Variants in IRAK4 observed in about 807,000 individuals in gnomAD.
The protein encoded by IRAK4 is interleukin-1 receptor-associated kinase 4.
In IRAK4, 44 loss-of-function variants were observed where a neutral mutation model predicts 51.8. The ratio of observed to expected loss-of-function variants is 0.85; its 90% CI spans 0.67 to 1.09. The LOEUF is 1.09. Among genes scored for constraint, IRAK4 ranks in the 50% least tolerant of loss-of-function variants. The pLI is 0.00. For missense variants in IRAK4, 487 were observed against 538.0 expected (o/e 0.91, Z 0.94); for synonymous variants, 149 against 174.1 (o/e 0.86, Z 1.13).
chr12:43,770,006 C>G (rs995972723), intron 2 of IRAK4, among the ~76,000 whole-genome samples: 3 of 152,072 alleles, frequency 2.0e-5, no homozygotes, highest in African/African-American at 7.2e-5. Flanking sequence ...AGATATGGCA[C>G]AATTTTATCA....
In IRAK4 at chr12:43,772,391, A is replaced by G. The variant is rs765342298; in HGVS notation, c.490+29A>G. ...AGTAACATTTTCAGTGCTTTCCACTAGGGATTTGTCATTAAGACTACCAGT... is the reference window on the plus strand; with the variant it reads ...AGTAACATTTTCAGTGCTTTCCACTGGGGATTTGTCATTAAGACTACCAGT... On this transcript the variant is annotated intron_variant, in intron 4 of 11. Coordinates refer to ENST00000613694, the MANE Select transcript of IRAK4 (RefSeq NM_016123.4). 8 of 1,588,108 alleles carry G rather than the reference A, an allele frequency of 5.0e-6. No individual in the cohort carries two copies. In the Admixed American group the frequency reaches 1.0e-4, roughly 20 times the overall value.
intron 8 of IRAK4, 112 bp from the exon 9 acceptor site, chr12:43,782,195 T>G: frequency 1.4e-6 from 1 of 719,324 alleles, no homozygotes; most frequent in Non-Finnish European, 2.5e-6. Context: ...TACATATGCA[T>G]GTATGCATAT....
chr12:43,777,831 A>G, intron 7 of IRAK4, 87 bp downstream of exon 7: 1 of 1,113,178 alleles, frequency 9.0e-7, no homozygotes, highest in Non-Finnish European at 1.4e-6. Context: ...TATTTAAACC[A>G]AATTCACTTT....
intron 1 of IRAK4, among the ~76,000 whole-genome samples, chr12:43,762,583 C>T (rs1939679435): frequency 1.3e-5 from 2 of 152,126 alleles, no homozygotes; most frequent in Admixed American, 6.6e-5. Context: ...TGTTGTGAGT[C>T]GTTGCTGAGG....
chr12:43,776,881 A>G (rs544871045), intron 6 of IRAK4, among the ~76,000 whole-genome samples: 1 of 152,356 alleles, frequency 6.6e-6, no homozygotes, highest in Non-Finnish European at 1.5e-5. Flanking sequence ...AAAAACATGT[A>G]AATTAGATGT....
intron 8 of IRAK4, among the ~76,000 whole-genome samples, chr12:43,779,217 C>T (rs1440361817): frequency 2.0e-5 from 3 of 151,906 alleles, no homozygotes; most frequent in Non-Finnish European, 2.9e-5. Context: ...GAGCTATGAT[C>T]GTGCCAGTGC....
In IRAK4 at chr12:43,772,968, C is replaced by T. The variant is rs114951157; in HGVS notation, c.547C>T (p.Arg183Ter). 2.0e-5 allele frequency: 33 copies of T among 1,610,818 alleles called. No homozygotes were observed. The highest frequency in any genetic ancestry group is 5.3e-5 in the African/African-American group (4 of 74,904). ...LKNVTNNFDERPISVGGNKMG... is the reference protein window; with the variant it reads ...LKNVTNNFDE ...GAATGTCACAAATAACTTTGATGAA[C>T]GACCCATTTCTGTTGGTGGTAATAA... Residue 183 changes from arginine (R) to a stop codon, truncating the protein, a stop_gained, in exon 5 of 12, where the codon CGA becomes TGA. Transcript: ENST00000613694. LOFTEE classifies it high-confidence loss of function.
Position 43,768,230 on chromosome 12 carries a change from A to G in IRAK4, c.119A>G (p.Lys40Arg). The G allele has an allele frequency of 2.5e-6, 4 of 1,613,128 alleles. No homozygotes were observed. Among genetic ancestry groups the G allele is most frequent in the Non-Finnish European group, 3.4e-6 (4 of 1,179,330 alleles). Residue 40 changes from lysine to arginine, a missense_variant, in exon 2 of 12, where the codon AAA (lysine) becomes AGA (arginine). Transcript: ENST00000613694. Reference sequence around the variant, plus strand: ...TGGAAGAAGTTAGCTGTAGCTATTAAAAAACCATCTGGTGATGATAGATAC... The same window carrying G: ...TGGAAGAAGTTAGCTGTAGCTATTAGAAAACCATCTGGTGATGATAGATAC... ...EGWKKLAVAI[K>R]KPSGDDRYNQ...
At position 43,782,500 on chromosome 12, in the gene IRAK4, G is replaced by T. The variant is rs199616509; in HGVS notation, c.1125+10G>T. The T allele has an allele frequency of 6.3e-7, 1 of 1,592,062 alleles. No homozygotes were observed. Among genetic ancestry groups the T allele is most frequent in the Non-Finnish European group, 8.6e-7 (1 of 1,160,928 alleles). ...TTACAGCTTTGGTGTGGTAAGTTCC[G>T]TATACATAATTATTAAAAATAATCA... On this transcript the variant is annotated intron_variant, in intron 9 of 11. Coordinates refer to ENST00000613694, the MANE Select transcript of IRAK4 (RefSeq NM_016123.4).
rs533922724 is a variant in IRAK4 at position 43,781,365 on chromosome 12, C to A, written c.942-942C>A. On this transcript the variant is annotated intron_variant, in intron 8 of 11. Transcript: ENST00000613694. ...TAAGTCTAATAACATCAGTTTCCTA[C>A]TGTGAAAACTTTAGCTGGTATCCTG... is the stretch of plus-strand genomic sequence containing the variant. 1.8e-3 allele frequency among the ~76,000 whole-genome samples: 274 copies of A among 152,310 alleles called. 1 individual carries two copies. Among genetic ancestry groups the A allele is most frequent in the Middle Eastern group, 3.4e-3 (1 of 294 alleles).
intron 8 of IRAK4, among the ~76,000 whole-genome samples, chr12:43,780,979 C>T (rs1386557697): frequency 6.6e-6 from 1 of 152,134 alleles, no homozygotes; most frequent in Non-Finnish European, 1.5e-5. Context: ...TTTTTAGTAT[C>T]CCCGTACCAA....
At chr12:43,785,786 G>A (rs1470860332) in intron 10 of IRAK4, among the ~76,000 whole-genome samples, 3 of 151,618 alleles carry the variant, frequency 2.0e-5, no homozygotes, top group African/African-American at 4.8e-5. Flanking sequence ...GACATACCTG[G>A]GCTATATGGT....
At chr12:43,786,300 T>TAA in intron 10 of IRAK4, 99 bp from the exon 11 acceptor site, 1 of 755,416 alleles carries the variant, frequency 1.3e-6, no homozygotes, top group Non-Finnish European at 1.9e-6. Flanking sequence ...TGAGAGCACA[T>TAA]GTTATTACAA....
chr12:43,760,904 T>C (rs1939481498), intron 1 of IRAK4: 1 of 152,186 alleles, frequency 6.6e-6, no homozygotes, highest in African/African-American at 2.4e-5. Flanking sequence ...TTCTCTAATT[T>C]TCCTAATGCT....
intron 1 of IRAK4, among the ~76,000 whole-genome samples, chr12:43,762,006 C>A (rs565647549): frequency 6.6e-6 from 1 of 151,856 alleles, no homozygotes; most frequent in Non-Finnish European, 1.5e-5. Context: ...TAAAGTAAAT[C>A]TTGAAGAATT....
At chr12:43,778,685 T>C (rs989513156) in intron 8 of IRAK4, among the ~76,000 whole-genome samples, 3 of 152,108 alleles carry the variant, frequency 2.0e-5, no homozygotes, top group African/African-American at 4.8e-5. Flanking sequence ...AATATTTACC[T>C]ACTATAAGTA....
chr12:43,772,871 A>C (rs1335622596), intron 4 of IRAK4, 41 bp from the exon 5 acceptor site: 1 of 1,433,260 alleles, frequency 7.0e-7, no homozygotes, highest in East Asian at 2.4e-5. Context: ...TATTAAAACG[A>C]ATTTTTAAAA....
chr12:43,774,646 A>G (rs1465053012), intron 6 of IRAK4, among the ~76,000 whole-genome samples: 1 of 152,216 alleles, frequency 6.6e-6, no homozygotes, highest in Admixed American at 6.5e-5. Flanking sequence ...TCAATTGTAG[A>G]GATACTTAAA....
chr12:43,783,136 G>C (rs916958671), intron 9 of IRAK4, among the ~76,000 whole-genome samples: 1 of 151,928 alleles, frequency 6.6e-6, no homozygotes, highest in Admixed American at 6.6e-5. Flanking sequence ...GTCATGTTGG[G>C]GTCCAAGATG....
Sources: allele counts gnomAD v4.1 joint callset (sites outside exome capture counted in the v4.1 genomes callset), GRCh38; gene constraint gnomAD v4.1.1; transcripts MANE v1.5; gene names NCBI Gene and HGNC (gene_info 2026-07-23, HGNC 2026-07-21).